ZNF33A: variants seen among roughly 807,000 people sequenced by gnomAD.
The protein encoded by ZNF33A is brain my041 protein.
ZNF33A carries 9 observed loss-of-function variants against 15.9 expected under a neutral mutation model. The ratio of observed to expected loss-of-function variants is 0.57; its 90% CI spans 0.34 to 0.99. The LOEUF is 0.99. Ranked by LOEUF, ZNF33A falls within the 50% of genes least tolerant of loss-of-function variation. The pLI, the probability that ZNF33A is intolerant of heterozygous loss-of-function variation, is 0.02. For synonymous variants in ZNF33A, 294 were observed against 324.2 expected (o/e 0.91, Z 1.00); for missense variants, 843 against 941.6 (o/e 0.90, Z 1.37).
chr10:38,046,271 A>T (rs2065943117), intron 4 of ZNF33A, among the ~76,000 whole-genome samples: 1 of 152,196 alleles, frequency 6.6e-6, no homozygotes, highest in Admixed American at 6.5e-5. Context: ...CGGCTCATGT[A>T]TATGAGGAAA....
chr10:38,032,940 G>T (rs1393000609), intron 4 of ZNF33A, among the ~76,000 whole-genome samples: 3 of 148,568 alleles, frequency 2.0e-5, no homozygotes, highest in Non-Finnish European at 4.5e-5. Context: ...TAGAGATGGG[G>T]TTTCACCATG....
At chr10:38,028,108 AAAT>A (rs1315116254) in intron 4 of ZNF33A, among the ~76,000 whole-genome samples, 1 of 151,918 alleles carries the variant, frequency 6.6e-6, no homozygotes, top group African/African-American at 2.4e-5. Flanking sequence ...TTCTACAAAA[AAAT>A]AAAATAAATA....
rs963653790 is a variant in ZNF33A at position 38,058,232 on chromosome 10, C to T, written c.*1672C>T. ...GAAAAGGTCAGTAAAATTGATAAAC[C>T]TCTAGCTAGCTTAAGAACAAACAGA... On this transcript the variant is annotated 3_prime_UTR_variant, in exon 5 of 5. Coordinates refer to ENST00000432900, the MANE Select transcript of ZNF33A (RefSeq NM_006954.2). 2 of 195,946 alleles carry T rather than the reference C, an allele frequency of 1.0e-5. No individual in the cohort carries two copies. The highest frequency in any genetic ancestry group is 2.4e-5 in the African/African-American group (1 of 42,120). The allele number at this position is 195,946 out of a possible 1,614,324, so 12.1% of individuals were successfully genotyped here.
Position 38,056,062 on chromosome 10 carries a change from C to T in ZNF33A, c.1938C>T (p.Phe646=). 6.8e-6 allele frequency: 11 copies of T among 1,614,094 alleles called. No individual in the cohort carries two copies. The highest frequency in any genetic ancestry group is 9.3e-6 in the Non-Finnish European group (11 of 1,180,006). Residue 646 remains phenylalanine (F), a synonymous_variant, in exon 5 of 5, where the codon TTC becomes TTT. Coordinates refer to ENST00000432900, the MANE Select transcript of ZNF33A (RefSeq NM_006954.2). ...AATGTAATGAGTGTGGAAAAGCTTT[C>T]TGCCATAAGTCAGCTCTAATTGTAC... ...PYKCNECGKA[F]CHKSALIVHQ...
chr10:38,011,878 A>G (rs1308478090), intron 1 of ZNF33A, among the ~76,000 whole-genome samples: 1 of 152,244 alleles, frequency 6.6e-6, no homozygotes, highest in Non-Finnish European at 1.5e-5. Context: ...GAGGTTAAGT[A>G]ACATTACTGG....
chr10:38,050,983 A>C (rs973312759), intron 4 of ZNF33A, among the ~76,000 whole-genome samples: 10 of 152,198 alleles, frequency 6.6e-5, no homozygotes, highest in Non-Finnish European at 1.5e-4. Flanking sequence ...TAGAAATAGG[A>C]ATTTCATTTG....
chr10:38,064,034 A>C (rs577774748), downstream of ZNF33A: 2,114 of 1,551,284 alleles, frequency 1.4e-3, 6 homozygotes, highest in Non-Finnish European at 1.7e-3. Context: ...CTTCACATCA[A>C]CCCTACGACA....
downstream of ZNF33A, among the ~76,000 whole-genome samples, chr10:38,062,522 T>C (rs1427421870): frequency 2.6e-5 from 4 of 152,248 alleles, no homozygotes; most frequent in East Asian, 7.7e-4. Flanking sequence ...TGTGAGACTA[T>C]TATGAGTGCG....
At chr10:38,013,199 C>T (rs976565820) in intron 2 of ZNF33A, among the ~76,000 whole-genome samples, 16 of 152,176 alleles carry the variant, frequency 1.1e-4, no homozygotes, top group South Asian at 6.2e-4. Flanking sequence ...AAACTTCTGC[C>T]TCCCGGGTTC....
chr10:38,048,960 T>C lies in ZNF33A; in HGVS notation c.251-5415T>C, dbSNP rs2066077065. On this transcript the variant is annotated intron_variant, in intron 4 of 4. Transcript: ENST00000432900. ...CTCCTCCCCAAATAAAACAGTGGAA[T>C]ATACATTCTTTTCAAGGGCAGATGA... is the stretch of plus-strand genomic sequence containing the variant. Among the ~76,000 whole-genome samples, 6 of 152,256 alleles carry C rather than the reference T, an allele frequency of 3.9e-5. No individual in the cohort carries two copies. In the South Asian group the frequency reaches 1.2e-3, roughly 32 times the overall value.
downstream of ZNF33A, chr10:38,064,957 A>G (rs899467881): frequency 6.6e-6 from 1 of 151,720 alleles, no homozygotes; most frequent in African/African-American, 2.4e-5. Flanking sequence ...GCAATACTAG[A>G]TAAGGAGACT....
At chr10:38,017,509 G>A (rs2064514733) in intron 4 of ZNF33A, 123 bp downstream of exon 4, 2 of 642,214 alleles carry the variant, frequency 3.1e-6, no homozygotes, top group Admixed American at 5.1e-5. Flanking sequence ...CTAACCTCTG[G>A]AAGTGATGGA....
chr10:38,015,996 G>A (rs572930813), intron 2 of ZNF33A: 2 of 1,231,570 alleles, frequency 1.6e-6, no homozygotes, highest in Admixed American at 8.4e-5. Context: ...TGCCCTAGAG[G>A]ATATCCAGAA....
intron 4 of ZNF33A, among the ~76,000 whole-genome samples, chr10:38,047,514 C>G (rs1198779730): frequency 2.0e-5 from 3 of 151,472 alleles, no homozygotes; most frequent in Non-Finnish European, 4.4e-5. Context: ...GTAGTCCCAG[C>G]TACTCGGGAG....
intron 2 of ZNF33A, chr10:38,015,902 C>G (rs543319350): frequency 4.2e-6 from 4 of 942,738 alleles, no homozygotes; most frequent in Non-Finnish European, 5.5e-6. Context: ...GTTCTGTAAA[C>G]GAAACCTGGT....
At chr10:38,027,076 G>A (rs1413200651) in intron 4 of ZNF33A, among the ~76,000 whole-genome samples, 1 of 152,080 alleles carries the variant, frequency 6.6e-6, no homozygotes, top group East Asian at 1.9e-4. Flanking sequence ...CCATTTGTCT[G>A]TCTATACCAA....
intron 4 of ZNF33A, among the ~76,000 whole-genome samples, chr10:38,024,442 A>G: frequency 6.6e-6 from 1 of 152,206 alleles, no homozygotes. Flanking sequence ...GTCTCTTGAT[A>G]GATTGGAAAA....
chr10:38,019,467 G>A (rs914145765), intron 4 of ZNF33A, among the ~76,000 whole-genome samples: 7 of 152,138 alleles, frequency 4.6e-5, no homozygotes, highest in Non-Finnish European at 8.8e-5. Context: ...TGTCTTTATA[G>A]CAGCATGATT....
At chr10:38,024,587 A>G (rs2064901268) in intron 4 of ZNF33A, among the ~76,000 whole-genome samples, 1 of 152,220 alleles carries the variant, frequency 6.6e-6, no homozygotes, top group Admixed American at 6.5e-5. Context: ...TCAAAGTCAT[A>G]AACAGTTGAA....
Sources: allele counts gnomAD v4.1 joint callset (sites outside exome capture counted in the v4.1 genomes callset), GRCh38; gene constraint gnomAD v4.1.1; transcripts MANE v1.5; gene names NCBI Gene and HGNC (gene_info 2026-07-23, HGNC 2026-07-21).